Variants in CCDC91 observed in about 807,000 individuals in gnomAD.
The protein encoded by CCDC91 is coiled-coil domain-containing protein 91.
In CCDC91, 48 loss-of-function variants were observed where a neutral mutation model predicts 63.2. That is an observed-to-expected ratio of 0.76 (90% CI 0.60 to 0.97). The LOEUF (loss-of-function observed/expected upper bound fraction) is 0.97. Ranked by LOEUF, CCDC91 falls within the 50% of genes least tolerant of loss-of-function variation. CCDC91 has a pLI of 0.00. For synonymous variants in CCDC91, 167 were observed against 165.8 expected, an observed-to-expected ratio of 1.01 and a Z score of -0.06; for missense variants, 500 against 494.6, an observed-to-expected ratio of 1.01 and a Z score of -0.10.
At chr12:28,194,860 C>T (rs564443419) in intron 1 of CCDC91, among the ~76,000 whole-genome samples, 3 of 151,612 alleles carry the variant, frequency 2.0e-5, no homozygotes, top group African/African-American at 4.9e-5. Context: ...CGGAGTTGTT[C>T]GTTCTTCCTG....
At chr12:28,499,512 C>T (rs185458957) in intron 12 of CCDC91, among the ~76,000 whole-genome samples, 573 of 152,048 alleles carry the variant, frequency 3.8e-3, no homozygotes, top group Non-Finnish European at 6.4e-3. Flanking sequence ...CCCTACCCCC[C>T]ACTCCCTTAC....
intron 1 of CCDC91, among the ~76,000 whole-genome samples, chr12:28,213,111 C>A (rs1052038516): frequency 4.6e-5 from 7 of 152,114 alleles, no homozygotes; most frequent in African/African-American, 1.7e-4. Flanking sequence ...TGAAGAGACC[C>A]CCACACACCT....
intron 12 of CCDC91, among the ~76,000 whole-genome samples, chr12:28,500,902 G>C (rs975119822): frequency 5.3e-5 from 8 of 151,458 alleles, no homozygotes; most frequent in African/African-American, 1.9e-4. Context: ...GTATGATCTG[G>C]CAAATCTTTC....
At chr12:28,476,677 A>G (rs1045809007) in intron 11 of CCDC91, among the ~76,000 whole-genome samples, 4 of 152,182 alleles carry the variant, frequency 2.6e-5, no homozygotes, top group African/African-American at 9.6e-5. Context: ...CAATGCATCC[A>G]GGAGCTTGTT....
At chr12:28,300,637 A>G (rs952265341) in intron 3 of CCDC91, among the ~76,000 whole-genome samples, 1 of 151,506 alleles carries the variant, frequency 6.6e-6, no homozygotes, top group African/African-American at 2.4e-5. Flanking sequence ...TTTAATGCCC[A>G]TTTATCTAAC....
At chr12:28,245,331 AG>A (rs1415575776) in intron 1 of CCDC91, among the ~76,000 whole-genome samples, 1 of 152,184 alleles carries the variant, frequency 6.6e-6, no homozygotes, top group Non-Finnish European at 1.5e-5. Flanking sequence ...GGAAAAAAAA[AG>A]AATTAGATCT....
intron 8 of CCDC91, among the ~76,000 whole-genome samples, chr12:28,416,151 A>G (rs1450502021): frequency 6.6e-6 from 1 of 152,088 alleles, no homozygotes; most frequent in Non-Finnish European, 1.5e-5. Flanking sequence ...TAATGTCTTT[A>G]TATCTAATAA....
chr12:28,395,138 A>C (rs748800631), intron 8 of CCDC91, among the ~76,000 whole-genome samples: 1 of 152,180 alleles, frequency 6.6e-6, no homozygotes, highest in Non-Finnish European at 1.5e-5. Flanking sequence ...AAGAACCTTT[A>C]CTTTTTACAA....
At chr12:28,329,203 C>A (rs529819247) in intron 6 of CCDC91, among the ~76,000 whole-genome samples, 1 of 152,098 alleles carries the variant, frequency 6.6e-6, no homozygotes, top group African/African-American at 2.4e-5. Context: ...TTTCAAGGGC[C>A]AATAATTTTT....
chr12:28,319,331 A>G (rs2137372582), intron 6 of CCDC91: 1 of 152,122 alleles, frequency 6.6e-6, no homozygotes, highest in African/African-American at 2.4e-5. Flanking sequence ...ATGGATTAAA[A>G]GTCCACCTTA....
At chr12:28,428,973 G>A (rs1186061968) in intron 8 of CCDC91, among the ~76,000 whole-genome samples, 1 of 151,946 alleles carries the variant, frequency 6.6e-6, no homozygotes, top group African/African-American at 2.4e-5. Context: ...TGTTATACAT[G>A]CTTCTGACCT....
rs3980485 is a variant in CCDC91, at chr12:28,201,355, G to A, written c.-15+10714G>A. ...CGCTCCTCACCTCCCAGACGGGGTC[G>A]CGGCCAGGTAGAGGAGCTCCTCACA... is the stretch of plus-strand genomic sequence containing the variant. On this transcript the variant is annotated intron_variant, in intron 1 of 12. Transcript: ENST00000536442. 6.2e-3 allele frequency among the ~76,000 whole-genome samples: 914 copies of A among 148,390 alleles called. 19 individuals are homozygous for A. The highest frequency in any genetic ancestry group is 0.021 in the African/African-American group (851 of 40,576).
intron 8 of CCDC91, among the ~76,000 whole-genome samples, chr12:28,396,047 C>A (rs2139395429): frequency 6.6e-6 from 1 of 152,086 alleles, no homozygotes; most frequent in East Asian, 1.9e-4. Context: ...ATTTTAAAAT[C>A]ATATAAGTTA....
intron 12 of CCDC91, among the ~76,000 whole-genome samples, chr12:28,541,116 A>C (rs1292517479): frequency 6.6e-6 from 1 of 152,122 alleles, no homozygotes; most frequent in African/African-American, 2.4e-5. Context: ...GTTGCTTTTC[A>C]TTTTAAGCCA....
At position 28,390,015 on chromosome 12, in the gene CCDC91, C is replaced by T. The variant is rs74774896; in HGVS notation, c.655-1289C>T. ...TTAAAGCAATTCTAGTAAGCATTTTCCTTATATTTTGATAAAACTCAGAGC... is the reference window on the plus strand; with the variant it reads ...TTAAAGCAATTCTAGTAAGCATTTTTCTTATATTTTGATAAAACTCAGAGC... On this transcript the variant is annotated intron_variant, in intron 7 of 12. Coordinates refer to ENST00000536442, the MANE Select transcript of CCDC91 (RefSeq NM_018318.5). Among the ~76,000 whole-genome samples, 1,403 of 152,100 alleles carry T rather than the reference C, an allele frequency of 9.2e-3. 27 individuals carry two copies. Among genetic ancestry groups the T allele is most frequent in the African/African-American group, 0.032 (1,333 of 41,518 alleles).
intron 1 of CCDC91, among the ~76,000 whole-genome samples, chr12:28,215,662 A>G (rs1327312675): frequency 6.6e-6 from 1 of 152,118 alleles, no homozygotes; most frequent in African/African-American, 2.4e-5. Flanking sequence ...GAAGATGAAA[A>G]AAAGTGAAAT....
intron 12 of CCDC91, among the ~76,000 whole-genome samples, chr12:28,539,062 G>A (rs1032186016): frequency 1.3e-4 from 20 of 152,102 alleles, no homozygotes; most frequent in African/African-American, 4.6e-4. Flanking sequence ...TAGGTTGCCT[G>A]TTCACTCTGA....
At chr12:28,382,202 T>G (rs909092723) in intron 7 of CCDC91, among the ~76,000 whole-genome samples, 9 of 152,034 alleles carry the variant, frequency 5.9e-5, no homozygotes, top group African/African-American at 2.2e-4. Context: ...TGATGGCTTT[T>G]CAGTATGAGG....
At chr12:28,229,835 AAGAAGGTTTGG>A (rs1944481198) in intron 1 of CCDC91, among the ~76,000 whole-genome samples, 1 of 152,102 alleles carries the variant, frequency 6.6e-6, no homozygotes, top group Non-Finnish European at 1.5e-5. Context: ...TTGTGGCTAG[AAGAAGGTTTGG>A]AGGAAGGGTT....
Sources: allele counts gnomAD v4.1 joint callset (sites outside exome capture counted in the v4.1 genomes callset), GRCh38; gene constraint gnomAD v4.1.1; transcripts MANE v1.5; gene names NCBI Gene and HGNC (gene_info 2026-07-23, HGNC 2026-07-21).